ASIC2: variants seen among roughly 807,000 people sequenced by gnomAD.
ASIC2 encodes the protein acid sensing ion channel subunit 2, also known as acid-sensing ion channel 2.
A neutral mutation model predicts 57.3 loss-of-function variants in ASIC2; 25 were observed. That is an observed-to-expected ratio of 0.44 (90% CI 0.32 to 0.61). The LOEUF (loss-of-function observed/expected upper bound fraction) is 0.61. Among genes scored for constraint, ASIC2 ranks in the 20% least tolerant of loss-of-function variants. The pLI is 0.06. For synonymous variants in ASIC2, 319 were observed against 307.5 expected, an observed-to-expected ratio of 1.04 and a Z score of -0.39; for missense variants, 641 against 738.1, an observed-to-expected ratio of 0.87 and a Z score of 1.52.
chr17:33,402,652 G>T (rs1910324413), intron 1 of ASIC2, among the ~76,000 whole-genome samples: 1 of 152,190 alleles, frequency 6.6e-6, no homozygotes. Flanking sequence ...ATTCCATGGT[G>T]TATATGTACC....
At chr17:33,781,070 G>T (rs143348353) in intron 1 of ASIC2, among the ~76,000 whole-genome samples, 1 of 152,300 alleles carries the variant, frequency 6.6e-6, no homozygotes, top group East Asian at 1.9e-4. Context: ...GAAACTCAAG[G>T]CATACAGAGG....
chr17:33,139,571 T>C (rs969854156), intron 1 of ASIC2, among the ~76,000 whole-genome samples: 2 of 152,178 alleles, frequency 1.3e-5, no homozygotes, highest in Non-Finnish European at 2.9e-5. Context: ...CAACATCTCT[T>C]ATCTGGGCTA....
At chr17:34,077,552 G>A (rs1366534263) in intron 1 of ASIC2, among the ~76,000 whole-genome samples, 2 of 152,202 alleles carry the variant, frequency 1.3e-5, no homozygotes, top group African/African-American at 2.4e-5. Context: ...ATGGAACACA[G>A]CCACGATGCA....
At chr17:33,989,449 G>C (rs13380869) in intron 1 of ASIC2, among the ~76,000 whole-genome samples, 2 of 151,890 alleles carry the variant, frequency 1.3e-5, no homozygotes, top group African/African-American at 4.8e-5. Context: ...AAGAGTGCAC[G>C]AAAGGAGATC....
intron 1 of ASIC2, among the ~76,000 whole-genome samples, chr17:34,079,876 C>T (rs1487140139): frequency 6.6e-6 from 1 of 152,190 alleles, no homozygotes; most frequent in Non-Finnish European, 1.5e-5. Flanking sequence ...GGAGGCTGCA[C>T]TTTTCTGGAA....
At chr17:33,978,576 G>A (rs548891144) in intron 1 of ASIC2, among the ~76,000 whole-genome samples, 24 of 152,374 alleles carry the variant, frequency 1.6e-4, no homozygotes, top group Non-Finnish European at 2.9e-4. Flanking sequence ...AAAGGATGGT[G>A]TGCCTGGGGT....
chr17:34,122,349 A>AC (rs540775416), intron 1 of ASIC2, among the ~76,000 whole-genome samples: 15 of 152,340 alleles, frequency 9.8e-5, no homozygotes, highest in African/African-American at 3.4e-4. Flanking sequence ...AGCCGACTCC[A>AC]CCACACTACC....
chr17:33,983,845 G>A (rs1430736336), intron 1 of ASIC2, among the ~76,000 whole-genome samples: 1 of 152,154 alleles, frequency 6.6e-6, no homozygotes, highest in African/African-American at 2.4e-5. Flanking sequence ...GTAGAGGCCA[G>A]GGGTGCTGCT....
chr17:33,279,470 G>A (rs1346639686), intron 1 of ASIC2, among the ~76,000 whole-genome samples: 1 of 152,230 alleles, frequency 6.6e-6, no homozygotes, highest in Non-Finnish European at 1.5e-5. Flanking sequence ...AATCCAGGAG[G>A]ATGGGAAGAG....
chr17:33,813,009 C>T (rs1432444658), intron 1 of ASIC2, among the ~76,000 whole-genome samples: 1 of 152,178 alleles, frequency 6.6e-6, no homozygotes, highest in East Asian at 1.9e-4. Flanking sequence ...CTGCTGATAT[C>T]CTCATCTGGT....
chr17:33,449,366 C>G (rs1912161582), intron 1 of ASIC2, among the ~76,000 whole-genome samples: 1 of 152,208 alleles, frequency 6.6e-6, no homozygotes, highest in Non-Finnish European at 1.5e-5. Context: ...TGGGCTGTAG[C>G]TACCTGCTAC....
intron 1 of ASIC2, among the ~76,000 whole-genome samples, chr17:33,715,989 A>G (rs756175598): frequency 1.3e-5 from 2 of 152,184 alleles, no homozygotes; most frequent in African/African-American, 2.4e-5. Context: ...TCCCAGAATC[A>G]TGATTAACAT....
intron 1 of ASIC2, among the ~76,000 whole-genome samples, chr17:33,405,201 C>G (rs1338845345): frequency 1.3e-5 from 2 of 152,052 alleles, no homozygotes; most frequent in African/African-American, 4.8e-5. Flanking sequence ...ATGAATAAGA[C>G]CTGGTCTTTG....
chr17:34,072,387 G>A (rs1377409834), intron 1 of ASIC2: 1 of 152,116 alleles, frequency 6.6e-6, no homozygotes, highest in Non-Finnish European at 1.5e-5. Context: ...CTGTGAAGAA[G>A]GCTGTATTTC....
intron 1 of ASIC2, among the ~76,000 whole-genome samples, chr17:33,221,864 A>C (rs1907701697): frequency 1.4e-5 from 1 of 69,938 alleles, no homozygotes; most frequent in Admixed American, 1.2e-4. Flanking sequence ...CTAGCCCGAT[A>C]GATGTTTAAA....
At chr17:33,801,150 T>C (rs556996683) in intron 1 of ASIC2, among the ~76,000 whole-genome samples, 1 of 152,306 alleles carries the variant, frequency 6.6e-6, no homozygotes, top group African/African-American at 2.4e-5. Context: ...TTGAAGCTGG[T>C]ATCATTCACT....
intron 1 of ASIC2, among the ~76,000 whole-genome samples, chr17:33,870,994 G>A (rs1028065177): frequency 4.0e-5 from 6 of 151,386 alleles, no homozygotes; most frequent in African/African-American, 1.5e-4. Flanking sequence ...CCCCTGAGAT[G>A]CTGGCATGAA....
chr17:33,543,855 C>T (rs947468138), intron 1 of ASIC2, among the ~76,000 whole-genome samples: 1 of 152,192 alleles, frequency 6.6e-6, no homozygotes, highest in African/African-American at 2.4e-5. Flanking sequence ...AGTCTTTCAG[C>T]CACATTTTTA....
At chr17:33,475,800 C>T (rs1913200728) in intron 1 of ASIC2, among the ~76,000 whole-genome samples, 2 of 152,154 alleles carry the variant, frequency 1.3e-5, no homozygotes, top group Admixed American at 1.3e-4. Context: ...TGCTGCAGCC[C>T]TCCCCCATCC....
Sources: gnomAD v4.1 joint callset for allele counts (sites outside exome capture counted in the v4.1 genomes callset) on GRCh38, gnomAD v4.1.1 for gene constraint, MANE v1.5 for transcripts, NCBI Gene and HGNC (gene_info 2026-07-23, HGNC 2026-07-21) for gene names.